Variants in DLGAP1 observed in about 807,000 individuals in gnomAD.
DLGAP1 encodes disks large-associated protein 1.
Under a neutral mutation model 90.8 loss-of-function variants are expected in DLGAP1, and 11 were observed. The ratio of observed to expected loss-of-function variants is 0.12; its 90% CI spans 0.08 to 0.20. The LOEUF (loss-of-function observed/expected upper bound fraction) is 0.20, where lower values mean the gene tolerates loss of function less well. DLGAP1 is among the 10% of genes least tolerant of loss of function. The pLI, the probability that DLGAP1 is intolerant of heterozygous loss-of-function variation, is 1.00. For missense variants in DLGAP1, 1,050 were observed against 1,333.8 expected (o/e 0.79, Z 3.31); for synonymous variants, 558 against 540.7 (o/e 1.03, Z -0.44).
At chr18:3,626,253 T>G (rs2058290018) in intron 7 of DLGAP1, among the ~76,000 whole-genome samples, 1 of 146,446 alleles carries the variant, frequency 6.8e-6, no homozygotes. Flanking sequence ...ATCGCGCCAG[T>G]GCACTCCAGC....
At position 3,846,457 on chromosome 18, in the gene DLGAP1, G is replaced by A. The variant is rs898656501; in HGVS notation, c.958-32184C>T. ...CAATCACGCTTTTAGGCATATACCA[G>A]GAGAAATGAAAGCAAATGTCCACAC... On this transcript the variant is annotated intron_variant, in intron 4 of 12. Coordinates refer to ENST00000315677, the MANE Select transcript of DLGAP1 (RefSeq NM_004746.4). Among the ~76,000 whole-genome samples, 40 of 152,236 alleles carry A rather than the reference G, an allele frequency of 2.6e-4. 1 individual carries two copies. The highest frequency in any genetic ancestry group is 3.9e-4 in the East Asian group (2 of 5,180).
At chr18:3,835,661 A>AG (rs895054936) in intron 4 of DLGAP1, among the ~76,000 whole-genome samples, 1 of 151,906 alleles carries the variant, frequency 6.6e-6, no homozygotes, top group Non-Finnish European at 1.5e-5. Flanking sequence ...AAAAAAAAAA[A>AG]AAAGAAAATA....
intron 5 of DLGAP1, among the ~76,000 whole-genome samples, chr18:3,772,258 C>A (rs1568107513): frequency 1.4e-5 from 2 of 147,808 alleles, no homozygotes; most frequent in Non-Finnish European, 3.0e-5. Context: ...TCCTTCCTTT[C>A]TTTCTCTCTT....
Position 3,966,242 on chromosome 18 carries a change from T to C in DLGAP1, c.-73+38874A>G, listed in dbSNP as rs568877380. On this transcript the variant is annotated intron_variant, in intron 3 of 12. Coordinates refer to ENST00000315677, the MANE Select transcript of DLGAP1 (RefSeq NM_004746.4). ...TCAAGAAGGAGAAAGGGGGCCAGGG[T>C]GGCTGGAGTTTCACAGGGCTTGGTG... is the stretch of plus-strand genomic sequence containing the variant. Among the ~76,000 whole-genome samples, 10 of 151,926 alleles carry C rather than the reference T, an allele frequency of 6.6e-5. No individual in the cohort carries two copies. In the South Asian group the frequency reaches 2.1e-3, roughly 32 times the overall value.
intron 2 of DLGAP1, among the ~76,000 whole-genome samples, chr18:4,070,477 T>C (rs1053148996): frequency 2.0e-5 from 3 of 151,772 alleles, no homozygotes; most frequent in Admixed American, 2.0e-4. Flanking sequence ...AAAATTCAAG[T>C]AAAAAGAAGT....
At chr18:4,404,752 A>G (rs2144557531) in intron 1 of DLGAP1, among the ~76,000 whole-genome samples, 2 of 152,366 alleles carry the variant, frequency 1.3e-5, no homozygotes, top group African/African-American at 4.8e-5. Context: ...AGGAAAACGC[A>G]TAAAGGCCAG....
intron 1 of DLGAP1, among the ~76,000 whole-genome samples, chr18:4,280,068 A>G (rs1431876820): frequency 6.6e-6 from 1 of 152,008 alleles, no homozygotes; most frequent in Admixed American, 6.6e-5. Flanking sequence ...TTTTTCATTG[A>G]TTTTGTTAAA....
At chr18:3,735,997 C>A (rs991483108) in intron 6 of DLGAP1, among the ~76,000 whole-genome samples, 1 of 152,056 alleles carries the variant, frequency 6.6e-6, no homozygotes, top group Non-Finnish European at 1.5e-5. Flanking sequence ...CATGCACACA[C>A]ACACACATAA....
intron 5 of DLGAP1, among the ~76,000 whole-genome samples, chr18:3,806,473 T>C (rs2066566560): frequency 6.6e-6 from 1 of 152,224 alleles, no homozygotes; most frequent in Non-Finnish European, 1.5e-5. Context: ...ATTTAGTGAA[T>C]ATTGAAACCA....
intron 4 of DLGAP1, among the ~76,000 whole-genome samples, chr18:3,844,654 C>T (rs2068905646): frequency 6.6e-6 from 1 of 152,154 alleles, no homozygotes; most frequent in Admixed American, 6.5e-5. Context: ...CAAAAATTCA[C>T]ATTACCAGCA....
chr18:4,368,874 T>C (rs1173167125), intron 1 of DLGAP1, among the ~76,000 whole-genome samples: 2 of 152,258 alleles, frequency 1.3e-5, no homozygotes, highest in East Asian at 1.9e-4. Context: ...GCTGGATGGA[T>C]AGATGGACAG....
intron 3 of DLGAP1, among the ~76,000 whole-genome samples, chr18:3,904,113 AAG>A (rs1386012814): frequency 6.6e-6 from 1 of 152,220 alleles, no homozygotes; most frequent in Non-Finnish European, 1.5e-5. Context: ...CAGAATTGAG[AAG>A]ATGCACTCTC....
intron 7 of DLGAP1, among the ~76,000 whole-genome samples, chr18:3,595,045 G>A (rs937038453): frequency 6.6e-6 from 1 of 152,172 alleles, no homozygotes; most frequent in Non-Finnish European, 1.5e-5. Flanking sequence ...AAACACCCAC[G>A]AAAATGCCAA....
At chr18:3,505,310 G>A (rs573634503) in intron 11 of DLGAP1, among the ~76,000 whole-genome samples, 4 of 152,182 alleles carry the variant, frequency 2.6e-5, no homozygotes, top group East Asian at 1.9e-4. Context: ...TAGCTTTTCC[G>A]TGCCCATTTT....
At chr18:3,621,973 T>G (rs974063299) in intron 7 of DLGAP1, among the ~76,000 whole-genome samples, 1 of 151,960 alleles carries the variant, frequency 6.6e-6, no homozygotes, top group Non-Finnish European at 1.5e-5. Flanking sequence ...CTCTACAAAA[T>G]AAATACATAA....
chr18:4,151,772 TG>T (rs1276882336), intron 1 of DLGAP1, among the ~76,000 whole-genome samples: 4 of 152,204 alleles, frequency 2.6e-5, no homozygotes, highest in Non-Finnish European at 5.9e-5. Flanking sequence ...ATGCCATTCA[TG>T]GCATAATATT....
intron 1 of DLGAP1, among the ~76,000 whole-genome samples, chr18:4,344,272 C>T (rs1568526778): frequency 6.6e-6 from 1 of 152,238 alleles, no homozygotes; most frequent in East Asian, 1.9e-4. Flanking sequence ...CTGACAGATA[C>T]TCTATTGTTC....
At chr18:4,350,700 A>G (rs1186483377) in intron 1 of DLGAP1, among the ~76,000 whole-genome samples, 1 of 152,134 alleles carries the variant, frequency 6.6e-6, no homozygotes, top group African/African-American at 2.4e-5. Context: ...CATAACATAC[A>G]TATATTTTTT....
intron 4 of DLGAP1, among the ~76,000 whole-genome samples, chr18:3,841,555 A>G (rs1377930229): frequency 6.6e-6 from 1 of 152,218 alleles, no homozygotes. Context: ...GAAAATAGAA[A>G]GAACTGGTCC....
Sources: allele counts gnomAD v4.1 joint callset (sites outside exome capture counted in the v4.1 genomes callset), GRCh38; gene constraint gnomAD v4.1.1; transcripts MANE v1.5; gene names NCBI Gene and HGNC (gene_info 2026-07-23, HGNC 2026-07-21).